CCNP: variants seen among roughly 807,000 people sequenced by gnomAD.
The protein encoded by CCNP is cyclin P.
CCNP carries 18 observed loss-of-function variants against 19.6 expected under a neutral mutation model. That is an observed-to-expected ratio of 0.92 (90% CI 0.64 to 1.36). CCNP has a LOEUF of 1.36. Among genes scored for constraint, CCNP ranks in the 40% most tolerant of loss-of-function variants. The pLI is 0.00. For missense variants in CCNP, 440 were observed against 424.4 expected (o/e 1.04, Z -0.32); for synonymous variants, 228 against 194.9 (o/e 1.17, Z -1.41).
At chr19:40,224,237 G>T (rs753594049) in intron 3 of CCNP, among the ~76,000 whole-genome samples, 1 of 152,154 alleles carries the variant, frequency 6.6e-6, no homozygotes, top group African/African-American at 2.4e-5. Context: ...TTACAGGCGT[G>T]AGCCACCACC....
At chr19:40,226,055 C>T (rs1973534464) in intron 1 of CCNP, among the ~76,000 whole-genome samples, 1 of 152,254 alleles carries the variant, frequency 6.6e-6, no homozygotes, top group South Asian at 2.1e-4. Flanking sequence ...AGCATTGCAG[C>T]ATCTCCAGCA....
At position 40,226,614 on chromosome 19, in the gene CCNP, AC is replaced by A; in HGVS notation, c.27del (p.Ser10ProfsTer60). 1 of 1,578,550 alleles carries A rather than the reference AC, an allele frequency of 6.3e-7. No individual in the cohort carries two copies. The highest frequency in any genetic ancestry group is 1.2e-5 in the South Asian group (1 of 86,424). On this transcript the variant is annotated frameshift_variant, in exon 1 of 5. Coordinates refer to ENST00000430325, the MANE Select transcript of CCNP (RefSeq NM_024877.4). LOFTEE classifies it high-confidence loss of function. ...ACGATAGGCCCGAGCCGGGAGCCGGACCCCTGGTCCCTGCCTCTCACCAGCA... is the reference window on the plus strand; with the variant it reads ...ACGATAGGCCCGAGCCGGGAGCCGGACCCTGGTCCCTGCCTCTCACCAGCA... The part of the protein sequence containing the change: MLVRGRDQ[G>X]SGSRLGPIVR...
intron 3 of CCNP, 39 bp downstream of exon 3, chr19:40,224,449 G>C: frequency 6.2e-7 from 1 of 1,606,064 alleles, no homozygotes; most frequent in Non-Finnish European, 8.5e-7. Flanking sequence ...ACTCCCCAAA[G>C]GACTCCATCC....
chr19:40,222,641 G>C lies in CCNP; in HGVS notation c.*411C>G. On this transcript the variant is annotated 3_prime_UTR_variant, in exon 5 of 5. Coordinates refer to ENST00000430325, the MANE Select transcript of CCNP (RefSeq NM_024877.4). ...TCCCGTCTTCAACTGGAGTGACTAG[G>C]CGAGCACCGGGGAGAGGTGGACACC... 1 of 398,450 alleles carries C rather than the reference G, an allele frequency of 2.5e-6. No individual in the cohort carries two copies. The highest frequency in any genetic ancestry group is 4.4e-5 in the Admixed American group (1 of 22,786). 24.7% of individuals were successfully genotyped at this position (398,450 alleles called of 1,614,324 possible).
At position 40,222,332 on chromosome 19, in the gene CCNP, C is replaced by A. The variant is rs755568747; in HGVS notation, c.*720G>T. ...TCAGGGAGGCTCAGACTGGAGGCGG[C>A]GGAGCAGGCAGGCGGCGGCAAGGCT... On this transcript the variant is annotated 3_prime_UTR_variant, in exon 5 of 5. Coordinates refer to ENST00000430325, the MANE Select transcript of CCNP (RefSeq NM_024877.4). 13 of 398,884 alleles carry A rather than the reference C, an allele frequency of 3.3e-5. No homozygotes were observed. The allele number at this position is 398,884 out of a possible 1,614,324, so 24.7% of individuals were successfully genotyped here.
intron 1 of CCNP, 21 bp downstream of exon 1, chr19:40,226,354 G>C: frequency 6.2e-7 from 1 of 1,601,000 alleles, no homozygotes; most frequent in South Asian, 1.1e-5. Flanking sequence ...CCTCACCAGG[G>C]CAGGCGGCGG....
Position 40,223,563 on chromosome 19 carries a change from C to A in CCNP, c.514-17G>T, listed in dbSNP as rs779000036. ...GAAGGCGGGCTGCAGATGGGGGATGCGGGGGGAGGTGAAGGAGTCTTGGAT... is the reference window on the plus strand; with the variant it reads ...GAAGGCGGGCTGCAGATGGGGGATGAGGGGGGAGGTGAAGGAGTCTTGGAT... On this transcript the variant is annotated splice_polypyrimidine_tract_variant and intron_variant, in intron 3 of 4. Coordinates refer to ENST00000430325, the MANE Select transcript of CCNP (RefSeq NM_024877.4). 15 of 1,596,270 alleles carry A rather than the reference C, an allele frequency of 9.4e-6. No individual in the cohort carries two copies. In the South Asian group the frequency reaches 1.3e-4, roughly 14 times the overall value.
rs1290151782 is a variant in CCNP, at chr19:40,222,570, G to C, written c.*482C>G. On this transcript the variant is annotated 3_prime_UTR_variant, in exon 5 of 5. Transcript: ENST00000430325. ...GGAGGCTGAGAAGAAGCGTCGATGT[G>C]GTTCCCCACGGACGGGTCGGGGGCT... The C allele has an allele frequency of 2.5e-6, 1 of 397,874 alleles. No individual in the cohort carries two copies. Among genetic ancestry groups the C allele is most frequent in the Admixed American group, 4.4e-5 (1 of 22,704 alleles). 24.6% of individuals were successfully genotyped at this position (397,874 alleles called of 1,614,324 possible). A position where few individuals can be genotyped will look rare whatever the true frequency, so the allele number is the denominator to read the frequency against.
chr19:40,223,147 T>C lies in CCNP; in HGVS notation c.829A>G (p.Ser277Gly). 1 of 1,551,560 alleles carries C rather than the reference T, an allele frequency of 6.4e-7. No homozygotes were observed. The highest frequency in any genetic ancestry group is 2.4e-5 in the East Asian group (1 of 40,910). ...SRLQPELYRC[S>G]LGGGSVWGHR... ...CCCCATACACTTCCTCCGCCAAGAC[T>C]ACACCTGTAAAGTTCTGGCTGGAGC... Residue 277 changes from serine to glycine, a missense_variant, in exon 5 of 5, where the codon AGT (serine) becomes GGT (glycine). Physicochemically the swap from Ser to Gly is moderately conservative, Grantham distance 56. Transcript: ENST00000430325.
chr19:40,223,013 CCA>C lies in CCNP; in HGVS notation c.*37_*38del, dbSNP rs1973471345. On this transcript the variant is annotated 3_prime_UTR_variant, in exon 5 of 5. Transcript: ENST00000430325. The stretch of plus-strand genomic sequence containing the variant: ...TGGGGTCCTCCCACCCCATTCTCTC[CCA>C]CACCCAGAAAAATCAAGTCTAGGTG... The C allele has an allele frequency of 1.6e-5, 20 of 1,258,532 alleles. No individual in the cohort carries two copies. The highest frequency in any genetic ancestry group is 2.1e-5 in the Non-Finnish European group (19 of 895,922). The allele number at this position is 1,258,532 out of a possible 1,614,324, so 78.0% of individuals were successfully genotyped here.
Position 40,224,623 on chromosome 19 carries a change from A to C in CCNP, c.378T>G (p.Gly126=). The stretch of plus-strand genomic sequence containing the variant: ...GGTGAACCGCCAGATAAAGTGTGTC[A>C]CCAGCCAGACCCAGGTACTCCTGAG... The part of the protein sequence containing the change: ...VQVHEYLGLA[G]DTLYLAVHLL... Residue 126 remains glycine, a synonymous_variant, in exon 3 of 5, where the codon GGT becomes GGG. Coordinates refer to ENST00000430325, the MANE Select transcript of CCNP (RefSeq NM_024877.4). 6.2e-7 allele frequency: 1 copy of C among 1,614,220 alleles called. No individual in the cohort carries two copies. Among genetic ancestry groups the C allele is most frequent in the Non-Finnish European group, 8.5e-7 (1 of 1,180,036 alleles).
In CCNP at chr19:40,223,423, C is replaced by G; in HGVS notation, c.637G>C (p.Gly213Arg). 6.3e-7 allele frequency: 1 copy of G among 1,596,276 alleles called. No homozygotes were observed. The highest frequency in any genetic ancestry group is 1.3e-5 in the African/African-American group (1 of 74,578). The change falls in exon 4 of 5, where the codon GGG becomes CGG. Residue 213 changes from glycine (G) to arginine (R), a missense_variant. Gly to Arg is a moderately radical substitution (Grantham distance 125, BLOSUM62 -2). Transcript: ENST00000430325. ...CTCCCTGCCAGCGCGGCCAGCAGCC[C>G]GAGGCACAGCAGCGGGCCGGGGTGG... The part of the protein sequence containing the change: ...LHHPGPLLCL[G>R]LLAALAGSSP...
Position 40,223,523 on chromosome 19 carries a change from G to A in CCNP, c.537C>T (p.Ser179=), listed in dbSNP as rs751217378. The change falls in exon 4 of 5, where the codon AGC becomes AGT. Residue 179 remains serine (S), a synonymous_variant. Transcript: ENST00000430325. ...GCTCCGCCCGTGAGAAGGAGTCCGC[G>A]CTCAGGAGGCAGAGGAAGGCGGGCT... ...LPEPAFLCLL[S]ADSFSRAELL... is the part of the protein sequence containing the mutation. 4 of 1,604,040 alleles carry A rather than the reference G, an allele frequency of 2.5e-6. No homozygotes were observed. The highest frequency in any genetic ancestry group is 2.7e-5 in the African/African-American group (2 of 74,658).
Position 40,222,476 on chromosome 19 carries a change from C to T in CCNP, c.*576G>A, listed in dbSNP as rs1973460912. The stretch of plus-strand genomic sequence containing the variant: ...GAGGGTGCCCAGTTCCTCGGGGCTG[C>T]AGCAGGGAGATGGAGAAACTGAGGC... On this transcript the variant is annotated 3_prime_UTR_variant, in exon 5 of 5. Transcript: ENST00000430325. The T allele has an allele frequency of 2.5e-6, 1 of 398,718 alleles. No individual in the cohort carries two copies. The highest frequency in any genetic ancestry group is 2.1e-5 in the African/African-American group (1 of 48,742). The allele number at this position is 398,718 out of a possible 1,614,324, so 24.7% of individuals were successfully genotyped here. A position where few individuals can be genotyped will look rare whatever the true frequency, so the allele number is the denominator to read the frequency against.
At position 40,224,777 on chromosome 19, in the gene CCNP, C is replaced by T. The variant is rs920034589; in HGVS notation, c.302G>A (p.Arg101His). Residue 101 changes from arginine (R) to histidine (H), a missense_variant, in exon 2 of 5, where the codon CGC becomes CAC. Arg to His is a conservative substitution (Grantham distance 29). Transcript: ENST00000430325. ...CRVLPLRALPRAVTPEMRALV... is the reference protein window; with the variant it reads ...CRVLPLRALPHAVTPEMRALV... ...GGCGCGCATCTCCGGGGTCACAGCG[C>T]GGGGCAGGGCTCTCAGGGGCAGCAC... 8 of 1,556,510 alleles carry T rather than the reference C, an allele frequency of 5.1e-6. No homozygotes were observed. The Admixed American group carries it at 5.9e-5, about 11-fold the overall frequency.
In CCNP at chr19:40,226,643, C is replaced by T; in HGVS notation, c.-2G>A. Reference sequence around the variant, plus strand: ...CTGGTCCCTGCCTCTCACCAGCATCCTCCAGGAGGGTGTTGCGGGCGAGGC... The same window carrying T: ...CTGGTCCCTGCCTCTCACCAGCATCTTCCAGGAGGGTGTTGCGGGCGAGGC... On this transcript the variant is annotated 5_prime_UTR_variant, in exon 1 of 5. Coordinates refer to ENST00000430325, the MANE Select transcript of CCNP (RefSeq NM_024877.4). 1 of 1,569,708 alleles carries T rather than the reference C, an allele frequency of 6.4e-7. No homozygotes were observed. Among genetic ancestry groups the T allele is most frequent in the South Asian group, 1.2e-5 (1 of 85,310 alleles).
rs1269922048 is a variant in CCNP, at chr19:40,222,410, G to A, written c.*642C>T. The A allele has an allele frequency of 1.0e-5, 4 of 398,510 alleles. No homozygotes were observed. The highest frequency in any genetic ancestry group is 1.8e-5 in the Non-Finnish European group (4 of 225,838). The allele number at this position is 398,510 out of a possible 1,614,324, so 24.7% of individuals were successfully genotyped here. ...CTTGAGGAAGACTGCGGCGCGACCCGGCGCGGGACCTCGGAGCGCAGCGCG... is the reference window on the plus strand; with the variant it reads ...CTTGAGGAAGACTGCGGCGCGACCCAGCGCGGGACCTCGGAGCGCAGCGCG... On this transcript the variant is annotated 3_prime_UTR_variant, in exon 5 of 5. Coordinates refer to ENST00000430325, the MANE Select transcript of CCNP (RefSeq NM_024877.4).
chr19:40,225,380 C>T (rs964291874), intron 1 of CCNP, among the ~76,000 whole-genome samples: 2 of 152,122 alleles, frequency 1.3e-5, no homozygotes, highest in Non-Finnish European at 2.9e-5. Context: ...CTCTTGACCA[C>T]GAATCCTCAA....
Position 40,224,749 on chromosome 19 carries a change from C to A in CCNP, c.330G>T (p.Leu110=). The A allele has an allele frequency of 6.4e-7, 1 of 1,569,502 alleles. No homozygotes were observed. Residue 110 remains leucine (L), a synonymous_variant, in exon 2 of 5, where the codon CTG becomes CTT. Transcript: ENST00000430325. ...GCACCTGGACCAGCCAGTCTACCAC[C>A]AGGGCGCGCATCTCCGGGGTCACAG... The part of the protein sequence containing the change: ...PRAVTPEMRA[L]VVDWLVQVHE...
Sources: gnomAD v4.1 joint callset for allele counts (sites outside exome capture counted in the v4.1 genomes callset) on GRCh38, gnomAD v4.1.1 for gene constraint, MANE v1.5 for transcripts, NCBI Gene and HGNC (gene_info 2026-07-23, HGNC 2026-07-21) for gene names.